CHRNA7: variants seen among roughly 807,000 people sequenced by gnomAD.
CHRNA7 encodes the protein cholinergic receptor nicotinic alpha 7 subunit.
In CHRNA7, 17 loss-of-function variants were observed where a neutral mutation model predicts 48.0. The observed-to-expected ratio is 0.35, with a 90% confidence interval of 0.24 to 0.53. The LOEUF (loss-of-function observed/expected upper bound fraction) is 0.53, where lower values mean the gene tolerates loss of function less well. Ranked by LOEUF, CHRNA7 falls within the 20% of genes least tolerant of loss-of-function variation. CHRNA7 has a pLI of 0.92. For missense variants in CHRNA7, 155 were observed against 577.7 expected, an observed-to-expected ratio of 0.27 and a Z score of 7.50; for synonymous variants, 75 against 242.3, an observed-to-expected ratio of 0.31 and a Z score of 6.41.
At chr15:32,167,410 T>C (rs2052227345) in intron 9 of CHRNA7, 1 of 93,362 alleles carries the variant, frequency 1.1e-5, no homozygotes, top group African/African-American at 3.7e-5. Flanking sequence ...ACAAGAGATG[T>C]GGTAATCTGA....
chr15:32,069,730 C>A (rs1322559994), intron 2 of CHRNA7, among the ~76,000 whole-genome samples: 2 of 152,136 alleles, frequency 1.3e-5, no homozygotes, highest in Non-Finnish European at 2.9e-5. Context: ...AATTATGGCT[C>A]ATTTTTTAAG....
intron 2 of CHRNA7, among the ~76,000 whole-genome samples, chr15:32,096,035 G>GGTAA (rs1419156723): frequency 6.6e-6 from 1 of 152,120 alleles, no homozygotes; most frequent in Non-Finnish European, 1.5e-5. Context: ...TGATTATAAA[G>GGTAA]GTAATACCTG....
chr15:32,068,631 G>C (rs2050003889), intron 2 of CHRNA7, among the ~76,000 whole-genome samples: 1 of 151,878 alleles, frequency 6.6e-6, no homozygotes, highest in Non-Finnish European at 1.5e-5. Context: ...GCTGAGGCAG[G>C]AGAATTGCTT....
intron 4 of CHRNA7, among the ~76,000 whole-genome samples, chr15:32,134,456 C>T (rs1425130805): frequency 6.6e-6 from 1 of 152,148 alleles, no homozygotes; most frequent in Non-Finnish European, 1.5e-5. Flanking sequence ...CCACACCTGG[C>T]CTGCATCTAT....
chr15:32,062,411 A>G (rs1307744576), intron 2 of CHRNA7, among the ~76,000 whole-genome samples: 8 of 152,198 alleles, frequency 5.3e-5, no homozygotes, highest in Admixed American at 5.2e-4. Context: ...CCTTAGAGTT[A>G]ATACTATTAT....
intron 2 of CHRNA7, among the ~76,000 whole-genome samples, chr15:32,044,504 C>T (rs1482235595): frequency 1.3e-5 from 2 of 152,192 alleles, no homozygotes; most frequent in Non-Finnish European, 2.9e-5. Context: ...TCTCCAACTC[C>T]TGACCTCATG....
intron 2 of CHRNA7, among the ~76,000 whole-genome samples, chr15:32,049,562 C>G (rs931017232): frequency 6.6e-6 from 1 of 152,156 alleles, no homozygotes; most frequent in Non-Finnish European, 1.5e-5. Context: ...GATGGGTTTC[C>G]TGAATACAGC....
intron 2 of CHRNA7, among the ~76,000 whole-genome samples, chr15:32,074,069 G>T (rs2050098670): frequency 2.1e-5 from 3 of 145,090 alleles, no homozygotes; most frequent in African/African-American, 2.6e-5. Flanking sequence ...CCTTCTTATT[G>T]TTAAAAATTG....
chr15:32,131,798 A>G (rs1231838327), intron 4 of CHRNA7, among the ~76,000 whole-genome samples: 3 of 152,088 alleles, frequency 2.0e-5, no homozygotes, highest in African/African-American at 7.2e-5. Flanking sequence ...GTCTTATTTC[A>G]GTGTTCCTTT....
At chr15:32,161,935 G>A (rs1354071234) in intron 8 of CHRNA7, 3 of 104,422 alleles carry the variant, frequency 2.9e-5, no homozygotes, top group Non-Finnish European at 5.8e-5. Context: ...CTATAAATCG[G>A]GGAGTTCCCA....
intron 2 of CHRNA7, among the ~76,000 whole-genome samples, chr15:32,096,861 G>A (rs1424010702): frequency 6.6e-6 from 1 of 152,196 alleles, no homozygotes; most frequent in East Asian, 1.9e-4. Flanking sequence ...AGCTCAGATG[G>A]AAAAAGAATG....
At chr15:32,040,390 G>A (rs2049426463) in intron 2 of CHRNA7, among the ~76,000 whole-genome samples, 1 of 151,712 alleles carries the variant, frequency 6.6e-6, no homozygotes, top group Admixed American at 6.6e-5. Flanking sequence ...TCCTTTCTTG[G>A]TGTATCAGTT....
intron 4 of CHRNA7, among the ~76,000 whole-genome samples, chr15:32,129,715 G>A (rs1259571171): frequency 1.3e-5 from 2 of 150,620 alleles, no homozygotes; most frequent in African/African-American, 4.9e-5. Flanking sequence ...TCTTCTCCGT[G>A]TCAGTGATTT....
At chr15:32,116,063 G>A (rs371372527) in intron 4 of CHRNA7, among the ~76,000 whole-genome samples, 41 of 152,276 alleles carry the variant, frequency 2.7e-4, no homozygotes, top group African/African-American at 8.7e-4. Context: ...GCTTCTAGGC[G>A]TGGAAAATAA....
chr15:32,138,619 G>GT lies in CHRNA7; in HGVS notation c.351-15287dup, dbSNP rs1176018406. The stretch of plus-strand genomic sequence containing the variant: ...GGTTTGCACAGATGTATAATGACCT[G>GT]TATCGACCATTATAGTATCATTCAG... On this transcript the variant is annotated intron_variant, in intron 4 of 9. Transcript: ENST00000306901. Among the ~76,000 whole-genome samples the GT allele has an allele frequency of 2.0e-5, 3 of 152,034 alleles. No homozygotes were observed. The East Asian group carries it at 5.8e-4, about 29-fold the overall frequency.
At chr15:32,048,755 T>C (rs1185457150) in intron 2 of CHRNA7, among the ~76,000 whole-genome samples, 2 of 152,058 alleles carry the variant, frequency 1.3e-5, no homozygotes, top group Non-Finnish European at 2.9e-5. Flanking sequence ...CTTTTAATTG[T>C]GCTGTTAGGG....
At chr15:32,076,212 C>G (rs2050134002) in intron 2 of CHRNA7, among the ~76,000 whole-genome samples, 2 of 152,086 alleles carry the variant, frequency 1.3e-5, no homozygotes, top group Non-Finnish European at 2.9e-5. Context: ...TGTCTGTATC[C>G]TTGCTGATTT....
intron 2 of CHRNA7, among the ~76,000 whole-genome samples, chr15:32,081,400 A>G (rs1395368345): frequency 6.6e-6 from 1 of 151,930 alleles, no homozygotes; most frequent in East Asian, 1.9e-4. Context: ...TTATTTCTGT[A>G]TTTTGTTTAT....
At chr15:32,150,955 G>A (rs1004984141) in intron 4 of CHRNA7, among the ~76,000 whole-genome samples, 2 of 151,950 alleles carry the variant, frequency 1.3e-5, no homozygotes, top group African/African-American at 2.4e-5. Flanking sequence ...AAGGGGGGGG[G>A]ATGTGTCCTT....
Sources: allele counts gnomAD v4.1 joint callset (sites outside exome capture counted in the v4.1 genomes callset), GRCh38; gene constraint gnomAD v4.1.1; transcripts MANE v1.5; gene names NCBI Gene and HGNC (gene_info 2026-07-23, HGNC 2026-07-21).